NAA11: variants seen among roughly 807,000 people sequenced by gnomAD.
NAA11 encodes the protein N-alpha-acetyltransferase 11, NatA catalytic subunit.
NAA11 carries 15 observed loss-of-function variants against 16.1 expected under a neutral mutation model. The ratio of observed to expected loss-of-function variants is 0.93; its 90% confidence interval spans 0.62 to 1.44. The LOEUF (loss-of-function observed/expected upper bound fraction) is 1.44. NAA11 is among the 40% of genes most tolerant of loss of function. NAA11 has a pLI of 0.00. For synonymous variants in NAA11, 122 were observed against 112.4 expected (o/e 1.09, Z -0.54); for missense variants, 298 against 291.3 (o/e 1.02, Z -0.17).
At chr4:79,187,977 C>A in the NAA11 span, among the ~76,000 whole-genome samples, 1 of 106,998 alleles carries the variant, frequency 9.3e-6, no homozygotes, top group South Asian at 3.4e-4. Context: ...CCAGCCTGGG[C>A]GACAGAGTGA....
intron 2 of NAA11, among the ~76,000 whole-genome samples, chr4:79,289,066 T>A (rs1457872052): frequency 6.6e-6 from 1 of 152,236 alleles, no homozygotes; most frequent in East Asian, 1.9e-4. Context: ...TTTAATTTTT[T>A]AAAAATTGCA....
intron 1 of NAA11, among the ~76,000 whole-genome samples, chr4:79,322,676 A>G (rs141660015): frequency 1.3e-5 from 2 of 152,310 alleles, no homozygotes; most frequent in Non-Finnish European, 2.9e-5. Flanking sequence ...GCATTCAAAG[A>G]GTCTTGAGAG....
At chr4:79,276,510 A>G (rs1722647955) in intron 2 of NAA11, among the ~76,000 whole-genome samples, 2 of 152,134 alleles carry the variant, frequency 1.3e-5, no homozygotes, top group South Asian at 4.1e-4. Context: ...CTCCCATGAC[A>G]GGGAGGAAAC....
the NAA11 span, among the ~76,000 whole-genome samples, chr4:79,206,807 G>A: frequency 2.0e-5 from 3 of 151,940 alleles, no homozygotes; most frequent in South Asian, 2.1e-4. Context: ...GTGTACTCTC[G>A]TAGCAAAACT....
the NAA11 span, among the ~76,000 whole-genome samples, chr4:79,187,433 A>G: frequency 2.0e-5 from 3 of 152,250 alleles, no homozygotes. Flanking sequence ...GACAAATAAA[A>G]AATCAAAAAA....
At chr4:79,313,589 A>C (rs1240828193), downstream of NAA11, among the ~76,000 whole-genome samples, 1 of 152,188 alleles carries the variant, frequency 6.6e-6, no homozygotes, top group Non-Finnish European at 1.5e-5. Context: ...AAATGAAAAG[A>C]GTTTTTTTCC....
chr4:79,196,955 CAAAAAAAAAAAAAAAA>C, the NAA11 span, among the ~76,000 whole-genome samples: 3 of 86,168 alleles, frequency 3.5e-5, no homozygotes, highest in African/African-American at 1.4e-4. Flanking sequence ...ATGAAAAAGA[CAAAAAAAAAAAAAAAA>C]AAAAAAAAAA....
intron 2 of NAA11, among the ~76,000 whole-genome samples, chr4:79,231,072 C>G (rs1022136539): frequency 1.3e-5 from 2 of 151,908 alleles, no homozygotes; most frequent in African/African-American, 4.8e-5. Flanking sequence ...TAGTACAATG[C>G]CTATACATAT....
At chr4:79,314,052 G>A (rs551087439), downstream of NAA11, among the ~76,000 whole-genome samples, 15 of 152,194 alleles carry the variant, frequency 9.9e-5, no homozygotes, top group African/African-American at 3.6e-4. Context: ...TGAAAAGAAA[G>A]GATGAGGAAG....
chr4:79,161,342 G>T, the NAA11 span, among the ~76,000 whole-genome samples: 1 of 151,952 alleles, frequency 6.6e-6, no homozygotes, highest in Non-Finnish European at 1.5e-5. Context: ...TAAGTATAAG[G>T]GTTTATTTCT....
the NAA11 span, among the ~76,000 whole-genome samples, chr4:79,161,929 C>A: frequency 6.6e-6 from 1 of 152,200 alleles, no homozygotes; most frequent in African/African-American, 2.4e-5. Context: ...GATCTGCCCA[C>A]CTCGGCGTCC....
At chr4:79,171,194 T>A in the NAA11 span, among the ~76,000 whole-genome samples, 4 of 152,146 alleles carry the variant, frequency 2.6e-5, no homozygotes, top group African/African-American at 9.7e-5. Flanking sequence ...TAATAGGTGA[T>A]TAGGTCATAA....
In NAA11 at chr4:79,326,031, G is replaced by A; in HGVS notation, c.-154C>T. ...AGGGCGGATGGCGGGAAGGCGGAAG[G>A]AGCAGGAGATGGAAAAGATGGTGCC... On this transcript the variant is annotated 5_prime_UTR_variant, in exon 1 of 2. Transcript: ENST00000286794. The A allele has an allele frequency of 3.1e-6, 2 of 648,288 alleles. No individual in the cohort carries two copies. The highest frequency in any genetic ancestry group is 2.7e-6 in the Non-Finnish European group (1 of 370,074). 40.2% of individuals were successfully genotyped at this position (648,288 alleles called of 1,614,324 possible). A position where few individuals can be genotyped will look rare whatever the true frequency, so the allele number is the denominator to read the frequency against.
chr4:79,180,363 T>C, the NAA11 span, among the ~76,000 whole-genome samples: 1 of 152,200 alleles, frequency 6.6e-6, no homozygotes, highest in African/African-American at 2.4e-5. Flanking sequence ...TTCACAAATC[T>C]ATAGTTTATA....
At chr4:79,199,648 A>G in the NAA11 span, among the ~76,000 whole-genome samples, 1 of 151,798 alleles carries the variant, frequency 6.6e-6, no homozygotes, top group East Asian at 1.9e-4. Flanking sequence ...GCAATTACAG[A>G]CCCTCTTTCA....
At chr4:79,177,475 A>G in the NAA11 span, among the ~76,000 whole-genome samples, 3 of 151,992 alleles carry the variant, frequency 2.0e-5, no homozygotes, top group Non-Finnish European at 4.4e-5. Context: ...AAGGAAAAAA[A>G]ATGTCCTTTC....
chr4:79,163,143 T>G, the NAA11 span, among the ~76,000 whole-genome samples: 1 of 152,170 alleles, frequency 6.6e-6, no homozygotes, highest in Non-Finnish European at 1.5e-5. Flanking sequence ...AGGAGTGCTG[T>G]TCACACAGAA....
the NAA11 span, among the ~76,000 whole-genome samples, chr4:79,171,662 C>T: frequency 3.3e-5 from 5 of 152,032 alleles, no homozygotes; most frequent in Non-Finnish European, 7.4e-5. Context: ...AACATAGCAC[C>T]ATTATTGTAT....
chr4:79,188,318 G>A, the NAA11 span, among the ~76,000 whole-genome samples: 2 of 152,148 alleles, frequency 1.3e-5, no homozygotes, highest in African/African-American at 4.8e-5. Flanking sequence ...GGGCGCGGTG[G>A]CTCACGCCTG....
Sources: gnomAD v4.1 joint callset for allele counts (sites outside exome capture counted in the v4.1 genomes callset) on GRCh38, gnomAD v4.1.1 for gene constraint, MANE v1.5 for transcripts, NCBI Gene and HGNC (gene_info 2026-07-23, HGNC 2026-07-21) for gene names.